MAML2: variants seen among roughly 807,000 people sequenced by gnomAD.
MAML2 encodes the protein mastermind like transcriptional coactivator 2, also known as mastermind-like protein 2.
A neutral mutation model predicts 96.1 loss-of-function variants in MAML2; 22 were observed. That is an observed-to-expected ratio of 0.23 (90% CI 0.16 to 0.33). MAML2 has a LOEUF of 0.33. MAML2 is among the 10% of genes least tolerant of loss of function. The probability of loss-of-function intolerance (pLI) is 1.00; values close to 1 mark genes in which losing one functional copy is unlikely to be tolerated. For synonymous variants in MAML2, 561 were observed against 521.3 expected (o/e 1.08, Z -1.04); for missense variants, 1,367 against 1,392.4 (o/e 0.98, Z 0.29).
intron 1 of MAML2, among the ~76,000 whole-genome samples, chr11:96,240,666 T>C (rs1466652910): frequency 6.6e-6 from 1 of 151,880 alleles, no homozygotes; most frequent in Non-Finnish European, 1.5e-5. Context: ...ACAGCTCAAT[T>C]TTAAATGCAA....
intron 2 of MAML2, among the ~76,000 whole-genome samples, chr11:96,076,740 C>T (rs1323123757): frequency 2.0e-5 from 3 of 152,202 alleles, no homozygotes; most frequent in East Asian, 1.9e-4. Flanking sequence ...CAGTTGGGAA[C>T]GTCTTGCTCT....
chr11:96,135,482 A>G (rs1860613371), intron 1 of MAML2, among the ~76,000 whole-genome samples: 1 of 149,668 alleles, frequency 6.7e-6, no homozygotes, highest in Non-Finnish European at 1.5e-5. Flanking sequence ...TGATACTTAG[A>G]GATGTTAAGT....
chr11:95,994,020 C>G (rs1026809721), intron 2 of MAML2, among the ~76,000 whole-genome samples: 1 of 152,236 alleles, frequency 6.6e-6, no homozygotes, highest in African/African-American at 2.4e-5. Flanking sequence ...CCAGGTCTGT[C>G]TGACCCCACA....
intron 1 of MAML2, among the ~76,000 whole-genome samples, chr11:96,238,339 T>C (rs1862391727): frequency 1.3e-5 from 2 of 152,228 alleles, no homozygotes; most frequent in Admixed American, 6.5e-5. Context: ...GTATCTGTGT[T>C]ATGTTTCAAG....
chr11:96,058,339 A>C (rs1320178872), intron 2 of MAML2, among the ~76,000 whole-genome samples: 4 of 152,018 alleles, frequency 2.6e-5, no homozygotes, highest in Admixed American at 2.6e-4. Flanking sequence ...GTTTCTTTTG[A>C]GATGGAGTCG....
intron 1 of MAML2, among the ~76,000 whole-genome samples, chr11:96,148,410 A>C (rs191873157): frequency 2.0e-5 from 3 of 152,098 alleles, no homozygotes; most frequent in Admixed American, 2.0e-4. Context: ...AAGTGAACTG[A>C]ATGGAGAAAA....
In MAML2 at chr11:96,110,041, G is replaced by A. The variant is rs751368584; in HGVS notation, c.514-16524C>T. ...AGCTGAACGATTATGAAAAAAAGAA[G>A]AGAGTGTTTCAAGGAGGGAGTGAGC... On this transcript the variant is annotated intron_variant, in intron 1 of 4. Coordinates refer to ENST00000524717, the MANE Select transcript of MAML2 (RefSeq NM_032427.4). 2.1e-4 allele frequency among the ~76,000 whole-genome samples: 32 copies of A among 152,326 alleles called. No homozygotes were observed. In the Middle Eastern group the frequency reaches 0.014, roughly 65 times the overall value.
intron 1 of MAML2, among the ~76,000 whole-genome samples, chr11:96,166,167 TCTCTCTCTCTCA>T (rs1233580729): frequency 2.7e-5 from 3 of 111,542 alleles, no homozygotes; most frequent in South Asian, 3.1e-4. Flanking sequence ...TCTCTCTCTC[TCTCTCTCTCTCA>T]CACACACACA....
At chr11:96,131,573 C>G (rs1822909933) in intron 1 of MAML2, among the ~76,000 whole-genome samples, 4 of 152,100 alleles carry the variant, frequency 2.6e-5, no homozygotes. Flanking sequence ...CAAGAATAGG[C>G]AAACTGATAG....
intron 2 of MAML2, among the ~76,000 whole-genome samples, chr11:96,035,531 C>T (rs1858697424): frequency 6.6e-6 from 1 of 152,078 alleles, no homozygotes; most frequent in African/African-American, 2.4e-5. Context: ...ATCGTGGTAA[C>T]CCAAAGTCCT....
chr11:96,186,372 C>T (rs978858147), intron 1 of MAML2, among the ~76,000 whole-genome samples: 10 of 152,144 alleles, frequency 6.6e-5, no homozygotes, highest in Non-Finnish European at 1.5e-4. Context: ...GGCGGATCAC[C>T]TGAGGTCGGG....
intron 1 of MAML2, among the ~76,000 whole-genome samples, chr11:96,283,280 T>C (rs1264339253): frequency 2.0e-5 from 3 of 152,236 alleles, no homozygotes; most frequent in Non-Finnish European, 4.4e-5. Flanking sequence ...TCCTTGTCTA[T>C]TTTAATCTCA....
At chr11:96,297,920 C>T (rs1199638605) in intron 1 of MAML2, among the ~76,000 whole-genome samples, 2 of 152,104 alleles carry the variant, frequency 1.3e-5, no homozygotes, top group Non-Finnish European at 2.9e-5. Flanking sequence ...CTGTAAAACA[C>T]AGCCAATTCA....
At chr11:95,980,908 G>A (rs541086556) in intron 4 of MAML2, among the ~76,000 whole-genome samples, 24 of 152,286 alleles carry the variant, frequency 1.6e-4, no homozygotes, top group Non-Finnish European at 2.8e-4. Context: ...CAGCCTGAAG[G>A]CTGAAAAACT....
chr11:96,068,331 C>T (rs1859276315), intron 2 of MAML2, among the ~76,000 whole-genome samples: 2 of 151,970 alleles, frequency 1.3e-5, no homozygotes, highest in South Asian at 4.1e-4. Flanking sequence ...TTTTCAAATA[C>T]AGAGGTAAAG....
chr11:96,318,966 A>G (rs752686323), intron 1 of MAML2, among the ~76,000 whole-genome samples: 1 of 152,184 alleles, frequency 6.6e-6, no homozygotes, highest in Non-Finnish European at 1.5e-5. Context: ...TATCCTGTGT[A>G]GTCTTCTCCC....
At chr11:96,280,697 C>T (rs1033953423) in intron 1 of MAML2, among the ~76,000 whole-genome samples, 2 of 152,200 alleles carry the variant, frequency 1.3e-5, no homozygotes, top group Admixed American at 6.5e-5. Context: ...CACACAATAG[C>T]CAGGGTGCTG....
At chr11:96,045,313 G>A (rs542189623) in intron 2 of MAML2, among the ~76,000 whole-genome samples, 1 of 152,226 alleles carries the variant, frequency 6.6e-6, no homozygotes, top group East Asian at 1.9e-4. Context: ...TGCATATTAC[G>A]GAATCAGAAA....
chr11:96,173,086 C>T (rs1861324385), intron 1 of MAML2, among the ~76,000 whole-genome samples: 1 of 152,190 alleles, frequency 6.6e-6, no homozygotes, highest in South Asian at 2.1e-4. Flanking sequence ...CAGGTTCTTG[C>T]CTATGCAAAC....
Sources: gnomAD v4.1 joint callset for allele counts (sites outside exome capture counted in the v4.1 genomes callset) on GRCh38, gnomAD v4.1.1 for gene constraint, MANE v1.5 for transcripts, NCBI Gene and HGNC (gene_info 2026-07-23, HGNC 2026-07-21) for gene names.